The following RASSF8 variants were observed in gnomAD, a reference collection of about 807,000 sequenced individuals.
RASSF8 encodes the protein Ras association domain family member 8.
Under a neutral mutation model 48.5 loss-of-function variants are expected in RASSF8, and 22 were observed. The observed-to-expected ratio is 0.45, with a 90% CI of 0.32 to 0.65. The LOEUF is 0.65. Ranked by LOEUF, RASSF8 falls within the 30% of genes least tolerant of loss-of-function variation. RASSF8 has a pLI of 0.03. For synonymous variants in RASSF8, 127 were observed against 171.5 expected (o/e 0.74, Z 2.03); for missense variants, 418 against 489.2 (o/e 0.85, Z 1.37).
intron 2 of RASSF8, among the ~76,000 whole-genome samples, chr12:26,034,418 A>AGG: frequency 6.6e-6 from 1 of 152,074 alleles, no homozygotes; most frequent in African/African-American, 2.4e-5. Flanking sequence ...AAAAAAAAAA[A>AGG]AAAATCTCAT....
chr12:26,026,263 G>C (rs980687150), intron 2 of RASSF8, among the ~76,000 whole-genome samples: 5 of 152,022 alleles, frequency 3.3e-5, no homozygotes, highest in Non-Finnish European at 7.4e-5. Flanking sequence ...GAACTTCATC[G>C]TAAAAAAGAC....
intron 1 of RASSF8, among the ~76,000 whole-genome samples, chr12:25,984,405 C>T (rs910786307): frequency 6.6e-6 from 1 of 151,754 alleles, no homozygotes; most frequent in African/African-American, 2.4e-5. Flanking sequence ...TATAGTGGCA[C>T]GATCTCGGCT....
intron 2 of RASSF8, among the ~76,000 whole-genome samples, chr12:26,018,574 C>G (rs749195613): frequency 2.6e-5 from 4 of 152,150 alleles, no homozygotes; most frequent in Non-Finnish European, 5.9e-5. Flanking sequence ...ACAACACTTA[C>G]AACTTGGAAT....
chr12:26,017,903 G>A (rs1434387803), intron 2 of RASSF8, among the ~76,000 whole-genome samples: 1 of 152,200 alleles, frequency 6.6e-6, no homozygotes, highest in Admixed American at 6.5e-5. Context: ...GTTGAAGTTG[G>A]AACAGAGGCA....
intron 2 of RASSF8, among the ~76,000 whole-genome samples, chr12:26,043,276 A>G (rs891634177): frequency 3.3e-5 from 5 of 152,224 alleles, no homozygotes; most frequent in African/African-American, 9.6e-5. Context: ...AATGCAAAGC[A>G]TTTACCAAGG....
intron 1 of RASSF8, among the ~76,000 whole-genome samples, chr12:25,969,451 T>C (rs776631445): frequency 1.9e-4 from 29 of 152,152 alleles, no homozygotes; most frequent in Non-Finnish European, 3.5e-4. Context: ...GTTTGTTAAA[T>C]AGAATTAGTA....
chr12:25,991,233 T>G (rs1298214163), intron 1 of RASSF8, among the ~76,000 whole-genome samples: 1 of 152,172 alleles, frequency 6.6e-6, no homozygotes, highest in Non-Finnish European at 1.5e-5. Flanking sequence ...CTGGAATTTA[T>G]TTTGCTCTTG....
At chr12:26,068,637 T>C (rs927496992) in intron 5 of RASSF8, 60 bp from the exon 6 acceptor site, 2 of 1,313,620 alleles carry the variant, frequency 1.5e-6, no homozygotes, top group East Asian at 5.0e-5. Context: ...TGATTTTTTA[T>C]ATTGCTAAGT....
chr12:26,073,746 T>TCTACACACACAC (rs10678881), downstream of RASSF8, among the ~76,000 whole-genome samples: 1 of 46,348 alleles, frequency 2.2e-5, no homozygotes, highest in African/African-American at 8.9e-5. Flanking sequence ...TCTCTCTCTC[T>TCTACACACACAC]ATACACACAC....
At chr12:26,014,808 G>C (rs1942608467) in intron 2 of RASSF8, among the ~76,000 whole-genome samples, 1 of 151,884 alleles carries the variant, frequency 6.6e-6, no homozygotes, top group African/African-American at 2.4e-5. Flanking sequence ...CTGTAATTGT[G>C]GAAATAAAAA....
Position 25,959,128 on chromosome 12 carries a change from G to A in RASSF8, c.-223G>A, listed in dbSNP as rs1163143369. On this transcript the variant is annotated 5_prime_UTR_variant, in exon 1 of 6. Coordinates refer to ENST00000689635, the MANE Select transcript of RASSF8 (RefSeq NM_001394098.1). ...CGGCCCCTCTGGGCGGCCTGCGGGG[G>A]CGGCGCAGTTGCGAAACTGAGTAAG... is the stretch of plus-strand genomic sequence containing the variant. The A allele has an allele frequency of 6.6e-6, 1 of 151,364 alleles. No individual in the cohort carries two copies. The highest frequency in any genetic ancestry group is 2.4e-5 in the African/African-American group (1 of 41,354). The allele number at this position is 151,364 out of a possible 1,614,324, so 9.4% of individuals were successfully genotyped here.
rs1944008992 is a variant in RASSF8 at position 26,071,955 on chromosome 12, GTCTT to G, written c.*3138_*3141del. The G allele has an allele frequency of 1.0e-6, 1 of 985,198 alleles. No individual in the cohort carries two copies. The highest frequency in any genetic ancestry group is 1.2e-6 in the Non-Finnish European group (1 of 829,900). The allele number at this position is 985,198 out of a possible 1,614,324, so 61.0% of individuals were successfully genotyped here. ...TTTCTCTGTGAATAAGAGCAAAATG[GTCTT>G]CAGAGAAACAGACTGTTCATTTGAA... On this transcript the variant is annotated 3_prime_UTR_variant, in exon 6 of 6. Coordinates refer to ENST00000689635, the MANE Select transcript of RASSF8 (RefSeq NM_001394098.1).
chr12:25,964,825 G>A (rs1157598926), intron 1 of RASSF8, among the ~76,000 whole-genome samples: 1 of 152,178 alleles, frequency 6.6e-6, no homozygotes, highest in Non-Finnish European at 1.5e-5. Flanking sequence ...TCTATGGGAA[G>A]TTCTAATACG....
At chr12:25,968,949 T>G (rs1445263061) in intron 1 of RASSF8, among the ~76,000 whole-genome samples, 1 of 152,132 alleles carries the variant, frequency 6.6e-6, no homozygotes, top group Non-Finnish European at 1.5e-5. Context: ...CTTAATGAAA[T>G]GAAGGAGCCA....
At chr12:26,002,322 A>G (rs1942278913) in intron 2 of RASSF8, among the ~76,000 whole-genome samples, 1 of 152,092 alleles carries the variant, frequency 6.6e-6, no homozygotes, top group African/African-American at 2.4e-5. Flanking sequence ...AATCCCAGCT[A>G]ATCGAGAGGC....
chr12:26,071,472 G>GATT lies in RASSF8; in HGVS notation c.*2656_*2657insTAT. ...TCTACAAGTATTAAATACATTTAAA[G>GATT]ATCTTTTTATCTTACCAAGAAATAA... On this transcript the variant is annotated 3_prime_UTR_variant, in exon 6 of 6. Coordinates refer to ENST00000689635, the MANE Select transcript of RASSF8 (RefSeq NM_001394098.1). The GATT allele has an allele frequency of 2.8e-5, 27 of 951,624 alleles. No individual in the cohort carries two copies. The highest frequency in any genetic ancestry group is 3.4e-5 in the Non-Finnish European group (27 of 799,406). 58.9% of individuals were successfully genotyped at this position (951,624 alleles called of 1,614,324 possible). A position where few individuals can be genotyped will look rare whatever the true frequency, so the allele number is the denominator to read the frequency against.
intron 1 of RASSF8, among the ~76,000 whole-genome samples, chr12:25,988,786 G>C (rs1266919201): frequency 1.3e-5 from 2 of 152,118 alleles, no homozygotes; most frequent in Non-Finnish European, 1.5e-5. Context: ...GAAGAAATGG[G>C]ATGGGATTCC....
At chr12:25,972,744 G>A (rs1941512073) in intron 1 of RASSF8, among the ~76,000 whole-genome samples, 1 of 152,186 alleles carries the variant, frequency 6.6e-6, no homozygotes, top group South Asian at 2.1e-4. Flanking sequence ...TTGACTTCAA[G>A]TATGTTATGT....
chr12:26,059,856 T>A (rs1049085107), intron 3 of RASSF8, among the ~76,000 whole-genome samples: 1 of 152,192 alleles, frequency 6.6e-6, no homozygotes. Context: ...TGGTTTATAT[T>A]TTTTTAACGT....
Sources: gnomAD v4.1 joint callset for allele counts (sites outside exome capture counted in the v4.1 genomes callset) on GRCh38, gnomAD v4.1.1 for gene constraint, MANE v1.5 for transcripts, NCBI Gene and HGNC (gene_info 2026-07-23, HGNC 2026-07-21) for gene names.